Variants in AGT observed in about 807,000 individuals in gnomAD.
AGT encodes the protein alpha-1 antiproteinase, antitrypsin.
A neutral mutation model predicts 28.1 loss-of-function variants in AGT; 26 were observed. That is an observed-to-expected ratio of 0.92 (90% CI 0.68 to 1.28). The LOEUF (loss-of-function observed/expected upper bound fraction) is 1.28, where lower values mean the gene tolerates loss of function less well. Among genes scored for constraint, AGT ranks in the 50% most tolerant of loss-of-function variants. The pLI is 0.00. For synonymous variants in AGT, 259 were observed against 259.6 expected, an observed-to-expected ratio of 1.00 and a Z score of 0.02; for missense variants, 596 against 592.3, an observed-to-expected ratio of 1.01 and a Z score of -0.06.
intron 2 of AGT, among the ~76,000 whole-genome samples, chr1:230,709,789 G>A (rs967296308): frequency 2.0e-5 from 3 of 152,300 alleles, no homozygotes; most frequent in East Asian, 1.9e-4. Flanking sequence ...TTGTATAGTC[G>A]TGCACATAGT....
rs11557883 is a variant in AGT at position 230,710,234 on chromosome 1, G to A, written c.590C>T (p.Ser197Phe). 1 of 1,613,656 alleles carries A rather than the reference G, an allele frequency of 6.2e-7. No individual in the cohort carries two copies. The highest frequency in any genetic ancestry group is 8.5e-7 in the Non-Finnish European group (1 of 1,179,990). ...RADSQAQLLL[S>F]TVVGVFTAPG... ...GGCTGTGAACACGCCCACCACCGTG[G>A]ACAGCAGCAGCTGGGCCTGGCTATC... The change falls in exon 2 of 5, where the codon TCC (serine) becomes TTC (phenylalanine). Residue 197 changes from serine to phenylalanine, a missense_variant. By Grantham distance (155) the Ser-to-Phe change is radical. Transcript: ENST00000366667.
upstream of AGT, among the ~76,000 whole-genome samples, chr1:230,717,719 C>A (rs966254066): frequency 6.6e-6 from 1 of 152,206 alleles, no homozygotes; most frequent in Non-Finnish European, 1.5e-5. Context: ...CCTTGCATGA[C>A]AAGGACACTT....
intron 1 of AGT, among the ~76,000 whole-genome samples, chr1:230,736,973 C>T (rs1008534862): frequency 2.6e-5 from 4 of 152,124 alleles, no homozygotes; most frequent in African/African-American, 9.7e-5. Flanking sequence ...GAGGCAGGTA[C>T]CCACTAAGCC....
At chr1:230,731,574 A>C (rs556712533) in intron 1 of AGT, among the ~76,000 whole-genome samples, 8 of 152,102 alleles carry the variant, frequency 5.3e-5, no homozygotes, top group Non-Finnish European at 8.8e-5. Flanking sequence ...GTCCATTAAC[A>C]CAGAAACTTG....
In AGT at chr1:230,710,221, G is replaced by A. The variant is rs537300845; in HGVS notation, c.603C>T (p.Gly201=). 1.4e-5 allele frequency: 23 copies of A among 1,613,606 alleles called. No homozygotes were observed. The highest frequency in any genetic ancestry group is 9.3e-5 in the African/African-American group (7 of 75,060). The change falls in exon 2 of 5, where the codon GGC becomes GGT. Residue 201 remains glycine, a synonymous_variant. Transcript: ENST00000366667. The part of the protein sequence containing the change: ...QAQLLLSTVV[G]VFTAPGLHLK... ...GGTGCAGGCCTGGGGCTGTGAACAC[G>A]CCCACCACCGTGGACAGCAGCAGCT...
upstream of AGT, among the ~76,000 whole-genome samples, chr1:230,716,037 G>A (rs2102795467): frequency 6.6e-6 from 1 of 152,290 alleles, no homozygotes; most frequent in Admixed American, 6.5e-5. Flanking sequence ...ACACGTTACT[G>A]GGGAGAACAT....
In AGT at chr1:230,703,181, T is replaced by G; in HGVS notation, c.1391A>C (p.His464Pro). ...CGGGTTGGCCACGCGGCCCAGGAAG[T>G]GCAGGGCAGTGGCGCTTTGATCATA... ...AVYDQSATALHFLGRVANPLS... is the reference protein window; with the variant it reads ...AVYDQSATALPFLGRVANPLS... Residue 464 changes from histidine to proline, a missense_variant, in exon 5 of 5, where the codon CAC becomes CCC. His to Pro is a moderately conservative substitution (Grantham distance 77). Coordinates refer to ENST00000366667, the MANE Select transcript of AGT (RefSeq NM_001384479.1). The G allele has an allele frequency of 6.2e-7, 1 of 1,614,132 alleles. No homozygotes were observed.
intron 1 of AGT, among the ~76,000 whole-genome samples, chr1:230,740,062 T>G (rs937382592): frequency 6.6e-5 from 10 of 152,214 alleles, no homozygotes; most frequent in African/African-American, 2.4e-4. Flanking sequence ...ATTCATGAGT[T>G]TACCAGGAAA....
rs756744141 is a variant in AGT, at chr1:230,710,349, C to A, written c.475G>T (p.Asp159Tyr). The A allele has an allele frequency of 6.2e-7, 1 of 1,614,126 alleles. No individual in the cohort carries two copies. ...TCCAGCCGGGAGGTGCAGTTCTTGT[C>A]CTTCCAAGGAACACCCAGGATTGCC... ...LQAILGVPWK[D>Y]KNCTSRLDAH... The change falls in exon 2 of 5, where the codon GAC becomes TAC. Residue 159 changes from aspartate (D) to tyrosine (Y), a missense_variant. Transcript: ENST00000366667.
intron 1 of AGT, among the ~76,000 whole-genome samples, chr1:230,732,768 C>G (rs542276892): frequency 3.0e-4 from 46 of 152,158 alleles, no homozygotes; most frequent in Non-Finnish European, 6.0e-4. Context: ...TTATCATCTT[C>G]AGGTTGAGTA....
At chr1:230,719,381 T>TA (rs1663799327), upstream of AGT, among the ~76,000 whole-genome samples, 2 of 136,296 alleles carry the variant, frequency 1.5e-5, no homozygotes, top group African/African-American at 6.1e-5. Flanking sequence ...TTCTTTCTAT[T>TA]TTTTATTATT....
chr1:230,727,842 A>G (rs1663972766), intron 1 of AGT, among the ~76,000 whole-genome samples: 1 of 152,200 alleles, frequency 6.6e-6, no homozygotes, highest in South Asian at 2.1e-4. Context: ...TAACCACCCA[A>G]TTAGCTCATC....
At chr1:230,722,539 G>T (rs1486121634) in intron 1 of AGT, among the ~76,000 whole-genome samples, 1 of 152,254 alleles carries the variant, frequency 6.6e-6, no homozygotes, top group Admixed American at 6.5e-5. Context: ...CAGCCAGGAA[G>T]GGGGCTGTGC....
At chr1:230,745,230 T>A (rs2493152) in intron 1 of AGT, among the ~76,000 whole-genome samples, 2 of 152,182 alleles carry the variant, frequency 1.3e-5, no homozygotes, top group African/African-American at 2.4e-5. Flanking sequence ...TCTGTGGGAG[T>A]GGCAGGGGGT....
intron 1 of AGT, among the ~76,000 whole-genome samples, chr1:230,730,374 A>T (rs913360141): frequency 6.6e-6 from 1 of 152,080 alleles, no homozygotes; most frequent in Non-Finnish European, 1.5e-5. Flanking sequence ...GTACCCAGCC[A>T]GGATACCCTA....
upstream of AGT, among the ~76,000 whole-genome samples, chr1:230,717,080 ATT>A (rs1004383060): frequency 7.1e-6 from 1 of 141,820 alleles, no homozygotes; most frequent in African/African-American, 2.6e-5. Context: ...TTAAACCTTG[ATT>A]TTATACAACA....
intron 1 of AGT, among the ~76,000 whole-genome samples, chr1:230,726,261 A>C (rs1037127632): frequency 1.3e-5 from 2 of 152,204 alleles, no homozygotes; most frequent in Admixed American, 1.3e-4. Context: ...AGACATAGAC[A>C]GTGTTATTTT....
rs1451481085 is a variant in AGT, at chr1:230,710,149, G to A, written c.675C>T (p.Val225=). 4 of 1,614,146 alleles carry A rather than the reference G, an allele frequency of 2.5e-6. No individual in the cohort carries two copies. The South Asian group carries it at 4.4e-5, about 18-fold the overall frequency. ...VQGLALYTPV[V]LPRSLDFTEL... ...CTGTGAAGTCCAGAGAGCGTGGGAG[G>A]ACCACAGGGGTATAGAGAGCCAGGC... The change falls in exon 2 of 5, where the codon GTC becomes GTT. Residue 225 remains valine (V), a synonymous_variant. Transcript: ENST00000366667.
upstream of AGT, among the ~76,000 whole-genome samples, chr1:230,715,565 A>T (rs61762545): frequency 5.3e-4 from 80 of 152,324 alleles, no homozygotes; most frequent in South Asian, 2.9e-3. Flanking sequence ...GACCATTCAA[A>T]GTGCTCCTGC....
Sources: gnomAD v4.1 joint callset for allele counts (sites outside exome capture counted in the v4.1 genomes callset) on GRCh38, gnomAD v4.1.1 for gene constraint, MANE v1.5 for transcripts, NCBI Gene and HGNC (gene_info 2026-07-23, HGNC 2026-07-21) for gene names.